The following NRXN1 variants were observed in gnomAD, a reference collection of about 807,000 sequenced individuals.
NRXN1 encodes neurexin-1.
Under a neutral mutation model 150.9 loss-of-function variants are expected in NRXN1, and 39 were observed. That is an observed-to-expected ratio of 0.26 (90% CI 0.20 to 0.34). The LOEUF is 0.34. Ranked by LOEUF, NRXN1 falls within the 10% of genes least tolerant of loss-of-function variation. NRXN1 has a pLI of 1.00. For missense variants in NRXN1, 1,815 were observed against 1,949.9 expected, an observed-to-expected ratio of 0.93 and a Z score of 1.30; for synonymous variants, 924 against 757.0, an observed-to-expected ratio of 1.22 and a Z score of -3.62.
intron 18 of NRXN1, among the ~76,000 whole-genome samples, chr2:50,190,505 C>G (rs1304640481): frequency 6.6e-6 from 1 of 151,828 alleles, no homozygotes; most frequent in African/African-American, 2.4e-5. Flanking sequence ...TATTTGATAG[C>G]TTAATGATCT....
chr2:50,039,543 C>A (rs1690602023), intron 21 of NRXN1, among the ~76,000 whole-genome samples: 1 of 152,090 alleles, frequency 6.6e-6, no homozygotes, highest in South Asian at 2.1e-4. Context: ...TCTATTTGGG[C>A]ATTAGTTTGT....
At chr2:50,662,917 T>C (rs1687501068) in intron 5 of NRXN1, among the ~76,000 whole-genome samples, 1 of 152,062 alleles carries the variant, frequency 6.6e-6, no homozygotes, top group Non-Finnish European at 1.5e-5. Flanking sequence ...CATTGATTCT[T>C]AGACTCTACC....
intron 21 of NRXN1, among the ~76,000 whole-genome samples, chr2:49,952,412 G>C (rs934597446): frequency 6.6e-6 from 1 of 151,910 alleles, no homozygotes; most frequent in Non-Finnish European, 1.5e-5. Flanking sequence ...CACTAAAAGG[G>C]GAGCACAATT....
intron 5 of NRXN1, among the ~76,000 whole-genome samples, chr2:50,729,576 A>T (rs1697827993): frequency 6.6e-6 from 1 of 152,138 alleles, no homozygotes; most frequent in Admixed American, 6.5e-5. Context: ...TGATATGGCA[A>T]TTCCAAATGA....
intron 17 of NRXN1, among the ~76,000 whole-genome samples, chr2:50,391,400 G>T (rs116609481): frequency 6.6e-6 from 1 of 151,930 alleles, no homozygotes. Flanking sequence ...TAATGAGTTT[G>T]GTTATAACTA....
chr2:50,481,589 C>T (rs1340116914), intron 15 of NRXN1, among the ~76,000 whole-genome samples: 1 of 151,938 alleles, frequency 6.6e-6, no homozygotes, highest in African/African-American at 2.4e-5. Flanking sequence ...GTATCCATGG[C>T]CCAATCTAGT....
chr2:50,499,028 A>T (rs1012010755), intron 13 of NRXN1, among the ~76,000 whole-genome samples: 1 of 152,156 alleles, frequency 6.6e-6, no homozygotes, highest in Non-Finnish European at 1.5e-5. Context: ...ACAACCACCT[A>T]TGTGTGTCCC....
At position 51,027,609 on chromosome 2, in the gene NRXN1, T is replaced by TCCTCGCCCG. The variant is rs546508545; in HGVS notation, c.656_664dup (p.Ala219_Glu221dup). The TCCTCGCCCG allele has an allele frequency of 1.9e-6, 3 of 1,593,602 alleles. No individual in the cohort carries two copies. The highest frequency in any genetic ancestry group is 2.6e-6 in the Non-Finnish European group (3 of 1,170,278). On this transcript the variant is annotated inframe_insertion, in exon 2 of 23. Coordinates refer to ENST00000401669, the MANE Select transcript of NRXN1 (RefSeq NM_001330078.2). ...GTTGAGGCACACCCCGCCCTCGCCC[T>TCCTCGCCCG]CCTCGCCCGCCTCGCACGGGCTTCC...
intron 2 of NRXN1, among the ~76,000 whole-genome samples, chr2:50,975,128 T>C (rs1262427287): frequency 6.6e-6 from 1 of 152,142 alleles, no homozygotes; most frequent in African/African-American, 2.4e-5. Flanking sequence ...TGTATACTAG[T>C]GTTTTCCAGA....
intron 8 of NRXN1, among the ~76,000 whole-genome samples, chr2:50,601,459 T>A (rs762161270): frequency 2.0e-5 from 3 of 152,212 alleles, no homozygotes; most frequent in Non-Finnish European, 2.9e-5. Context: ...AATTATGTCA[T>A]TCGAGTTATC....
At chr2:50,440,831 C>A (rs1256872901) in intron 17 of NRXN1, among the ~76,000 whole-genome samples, 1 of 151,916 alleles carries the variant, frequency 6.6e-6, no homozygotes, top group Non-Finnish European at 1.5e-5. Flanking sequence ...AAGTTCATAC[C>A]CTGATTTTCT....
rs535429527 is a variant in NRXN1, at chr2:50,982,090, T to A, written c.772+45412A>T. On this transcript the variant is annotated intron_variant, in intron 2 of 22. Coordinates refer to ENST00000401669, the MANE Select transcript of NRXN1 (RefSeq NM_001330078.2). ...GAGTCAACTCTAATTTCACCATGGATGAAAGAATAAACTTGAAATAACAAA... is the reference window on the plus strand; with the variant it reads ...GAGTCAACTCTAATTTCACCATGGAAGAAAGAATAAACTTGAAATAACAAA... Among the ~76,000 whole-genome samples the A allele has an allele frequency of 2.6e-5, 4 of 152,174 alleles. No homozygotes were observed. The South Asian group carries it at 8.3e-4, about 32-fold the overall frequency.
At chr2:50,507,204 G>A (rs1490732241) in intron 12 of NRXN1, among the ~76,000 whole-genome samples, 4 of 152,004 alleles carry the variant, frequency 2.6e-5, no homozygotes, top group Non-Finnish European at 5.9e-5. Flanking sequence ...ACGTTCTTAG[G>A]TTCTTTAGCC....
In NRXN1 at chr2:50,339,769, A is replaced by C. The variant is rs181113112; in HGVS notation, c.3365-102799T>G. Among the ~76,000 whole-genome samples, 1,260 of 151,774 alleles carry C rather than the reference A, an allele frequency of 8.3e-3. 20 individuals are homozygous for C. The highest frequency in any genetic ancestry group is 0.027 in the African/African-American group (1,116 of 41,064). Reference sequence around the variant, plus strand: ...TTTATTAATCCATCTCCATCTTCCTACTTACTGACTAAGTACCACAAGGTA... The same window carrying C: ...TTTATTAATCCATCTCCATCTTCCTCCTTACTGACTAAGTACCACAAGGTA... On this transcript the variant is annotated intron_variant, in intron 17 of 22. Transcript: ENST00000401669.
At chr2:50,499,799 T>C (rs2091849444) in intron 13 of NRXN1, among the ~76,000 whole-genome samples, 1 of 151,758 alleles carries the variant, frequency 6.6e-6, no homozygotes. Context: ...AATACAAAAA[T>C]TAACTGGGCG....
At chr2:49,932,575 T>G (rs1300074908) in intron 22 of NRXN1, among the ~76,000 whole-genome samples, 1 of 152,104 alleles carries the variant, frequency 6.6e-6, no homozygotes, top group Admixed American at 6.6e-5. Flanking sequence ...AGGAAACCTT[T>G]AGCAATAACT....
intron 2 of NRXN1, chr2:51,026,487 G>A: frequency 6.5e-7 from 1 of 1,536,622 alleles, no homozygotes; most frequent in African/African-American, 1.4e-5. Flanking sequence ...GGAGAAAAGA[G>A]AACTTAGGTA....
At chr2:50,830,766 A>T (rs767923632) in intron 5 of NRXN1, among the ~76,000 whole-genome samples, 6 of 150,936 alleles carry the variant, frequency 4.0e-5, no homozygotes, top group Non-Finnish European at 5.9e-5. Flanking sequence ...TTAAAATTAA[A>T]TTAATACAAT....
At chr2:51,025,264 A>G (rs1269676953) in intron 2 of NRXN1, among the ~76,000 whole-genome samples, 1 of 152,210 alleles carries the variant, frequency 6.6e-6, no homozygotes, top group Admixed American at 6.5e-5. Flanking sequence ...GAGTTGAATT[A>G]TCCTATGTAC....
Sources: gnomAD v4.1 joint callset for allele counts (sites outside exome capture counted in the v4.1 genomes callset) on GRCh38, gnomAD v4.1.1 for gene constraint, MANE v1.5 for transcripts, NCBI Gene and HGNC (gene_info 2026-07-23, HGNC 2026-07-21) for gene names.